The following TCP11L2 variants were observed in gnomAD, a reference collection of about 807,000 sequenced individuals.
TCP11L2 encodes T-complex protein 11-like protein 2.
TCP11L2 carries 39 observed loss-of-function variants against 50.7 expected under a neutral mutation model. That is an observed-to-expected ratio of 0.77 (90% CI 0.60 to 1.01). The LOEUF (loss-of-function observed/expected upper bound fraction) is 1.01, where lower values mean the gene tolerates loss of function less well. Among genes scored for constraint, TCP11L2 ranks in the 50% least tolerant of loss-of-function variants. The pLI is 0.00. For missense variants in TCP11L2, 612 were observed against 614.7 expected (o/e 1.00, Z 0.05); for synonymous variants, 192 against 219.3 (o/e 0.88, Z 1.10).
upstream of TCP11L2, among the ~76,000 whole-genome samples, chr12:106,300,760 G>A (rs771334665): frequency 6.6e-6 from 1 of 152,152 alleles, no homozygotes; most frequent in Non-Finnish European, 1.5e-5. Context: ...TCTTATCTCA[G>A]CTTGGTTCTC....
At chr12:106,325,406 G>A (rs1249016435) in intron 6 of TCP11L2, 1 of 152,424 alleles carries the variant, frequency 6.6e-6, no homozygotes, top group Non-Finnish European at 1.5e-5. Flanking sequence ...CAGAGAGGTA[G>A]TGTGACAGTC....
chr12:106,318,252 C>A (rs1405013757), intron 3 of TCP11L2, 92 bp from the exon 4 acceptor site: 1 of 1,419,266 alleles, frequency 7.0e-7, no homozygotes. Flanking sequence ...GTTTTTTTTA[C>A]ATTTTATAAG....
chr12:106,308,833 A>C (rs915415555), intron 1 of TCP11L2, among the ~76,000 whole-genome samples: 1 of 152,166 alleles, frequency 6.6e-6, no homozygotes, highest in Non-Finnish European at 1.5e-5. Context: ...AGCTGTACCA[A>C]ATGAGATTCA....
At chr12:106,339,523 G>C (rs1055249768) in intron 8 of TCP11L2, among the ~76,000 whole-genome samples, 57 of 152,096 alleles carry the variant, frequency 3.7e-4, no homozygotes, top group African/African-American at 1.4e-3. Context: ...ATTTGCTTTT[G>C]GGTAATTCAT....
chr12:106,323,703 A>G (rs542279329), intron 6 of TCP11L2, 57 bp downstream of exon 6: 163 of 885,162 alleles, frequency 1.8e-4, no homozygotes, highest in Non-Finnish European at 2.4e-4. Flanking sequence ...ATGATTTTAA[A>G]TGTTAAAATT....
Position 106,327,154 on chromosome 12 carries a change from C to T in TCP11L2, c.772+3508C>T, listed in dbSNP as rs376300039. Among the ~76,000 whole-genome samples, 8 of 152,196 alleles carry T rather than the reference C, an allele frequency of 5.3e-5. No individual in the cohort carries two copies. The East Asian group carries it at 1.2e-3, about 22-fold the overall frequency. Reference sequence around the variant, plus strand: ...ATTTTCTTCATCTCAAATTATTTGCCTATTTTTTTTCTGTTTTTTTTCTTT... The same window carrying T: ...ATTTTCTTCATCTCAAATTATTTGCTTATTTTTTTTCTGTTTTTTTTCTTT... On this transcript the variant is annotated intron_variant, in intron 6 of 9. Coordinates refer to ENST00000299045, the MANE Select transcript of TCP11L2 (RefSeq NM_152772.3).
At chr12:106,305,108 C>T (rs1389323519) in intron 1 of TCP11L2, among the ~76,000 whole-genome samples, 1 of 152,090 alleles carries the variant, frequency 6.6e-6, no homozygotes, top group Admixed American at 6.5e-5. Flanking sequence ...TTTAGGGATC[C>T]GCTTCCTGGA....
chr12:106,343,515 T>C (rs1249425679), intron 9 of TCP11L2, among the ~76,000 whole-genome samples: 2 of 152,194 alleles, frequency 1.3e-5, no homozygotes. Flanking sequence ...CGCTATTTAT[T>C]TACTGAAGGG....
intron 1 of TCP11L2, among the ~76,000 whole-genome samples, chr12:106,305,709 C>T (rs1246614917): frequency 6.6e-6 from 1 of 152,182 alleles, no homozygotes; most frequent in African/African-American, 2.4e-5. Context: ...GTGTAGCAAT[C>T]AGGGAAGGTT....
At chr12:106,325,036 C>T (rs1184583636) in intron 6 of TCP11L2, 1 of 152,202 alleles carries the variant, frequency 6.6e-6, no homozygotes, top group Non-Finnish European at 1.5e-5. Flanking sequence ...AGCCATGGAA[C>T]TGGGTACTAG....
chr12:106,340,510 G>A (rs2036061955), intron 8 of TCP11L2, among the ~76,000 whole-genome samples: 1 of 152,182 alleles, frequency 6.6e-6, no homozygotes, highest in Non-Finnish European at 1.5e-5. Context: ...AAGTAAATTG[G>A]TGTTTTCTGT....
In TCP11L2 at chr12:106,329,396, C is replaced by T. The variant is rs1183738126; in HGVS notation, c.772+5750C>T. On this transcript the variant is annotated intron_variant, in intron 6 of 9. Coordinates refer to ENST00000299045, the MANE Select transcript of TCP11L2 (RefSeq NM_152772.3). ...TTTTGGAACCAGAGAGAGCAGTCACCGTGCCAGCCTGTGAGAGTGAAGTCT... is the reference window on the plus strand; with the variant it reads ...TTTTGGAACCAGAGAGAGCAGTCACTGTGCCAGCCTGTGAGAGTGAAGTCT... The T allele has an allele frequency of 9.8e-6, 15 of 1,535,982 alleles. No homozygotes were observed. The Admixed American group carries it at 1.2e-4, about 12-fold the overall frequency.
At chr12:106,316,160 A>C (rs758437821) in intron 3 of TCP11L2, among the ~76,000 whole-genome samples, 3 of 152,148 alleles carry the variant, frequency 2.0e-5, no homozygotes, top group African/African-American at 4.8e-5. Flanking sequence ...CTACAGCCCT[A>C]GGCTAGGCCA....
intron 6 of TCP11L2, chr12:106,325,942 A>C (rs2035529419): frequency 1.3e-5 from 2 of 151,508 alleles, no homozygotes; most frequent in Admixed American, 1.3e-4. Flanking sequence ...GAGGGGGATC[A>C]AGGAAAAATA....
upstream of TCP11L2, among the ~76,000 whole-genome samples, chr12:106,298,100 C>G (rs2034374729): frequency 6.6e-6 from 1 of 152,148 alleles, no homozygotes; most frequent in Non-Finnish European, 1.5e-5. Context: ...TGAGAAATAA[C>G]TGTTAATTTT....
At chr12:106,336,547 A>ATTTTTTTTTTTT (rs11449901) in intron 8 of TCP11L2, among the ~76,000 whole-genome samples, 1 of 102,164 alleles carries the variant, frequency 9.8e-6, no homozygotes, top group Non-Finnish European at 1.9e-5. Flanking sequence ...GAATTGCGCA[A>ATTTTTTTTTTTT]TTTTTTTTTT....
intron 6 of TCP11L2, chr12:106,330,288 AC>A (rs2035701631): frequency 4.1e-6 from 4 of 985,132 alleles, no homozygotes; most frequent in Non-Finnish European, 4.8e-6. Flanking sequence ...TAGAAGAACT[AC>A]TTAGAGCAAA....
At chr12:106,323,763 A>G (rs572259716) in intron 6 of TCP11L2, 117 bp downstream of exon 6, 1 of 481,234 alleles carries the variant, frequency 2.1e-6, no homozygotes, top group Admixed American at 4.9e-5. Flanking sequence ...AATAAAATTT[A>G]ATTTAATTTA....
At chr12:106,305,661 G>A (rs1021227836) in intron 1 of TCP11L2, among the ~76,000 whole-genome samples, 2 of 152,180 alleles carry the variant, frequency 1.3e-5, no homozygotes, top group South Asian at 4.1e-4. Context: ...TAGCCCTAGC[G>A]GTGTTCTAAG....
Sources: gnomAD v4.1 joint callset for allele counts (sites outside exome capture counted in the v4.1 genomes callset) on GRCh38, gnomAD v4.1.1 for gene constraint, MANE v1.5 for transcripts, NCBI Gene and HGNC (gene_info 2026-07-23, HGNC 2026-07-21) for gene names.